The following ROBO2 variants were observed in gnomAD, a reference collection of about 807,000 sequenced individuals.
ROBO2 encodes roundabout guidance receptor 2.
ROBO2 carries 53 observed loss-of-function variants against 160.8 expected under a neutral mutation model. The ratio of observed to expected loss-of-function variants is 0.33; its 90% CI spans 0.26 to 0.41. ROBO2 has a LOEUF of 0.41. Ranked by LOEUF, ROBO2 falls within the 10% of genes least tolerant of loss-of-function variation. The pLI is 1.00. For synonymous variants in ROBO2, 664 were observed against 611.7 expected (o/e 1.09, Z -1.26); for missense variants, 1,577 against 1,722.4 (o/e 0.92, Z 1.49).
At chr3:76,536,670 G>A (rs1181388370) in intron 2 of ROBO2, among the ~76,000 whole-genome samples, 4 of 152,132 alleles carry the variant, frequency 2.6e-5, no homozygotes, top group Admixed American at 6.5e-5. Context: ...TCTGGCTCAT[G>A]ACGCTGGCAG....
chr3:77,398,399 AAAC>A (rs753531965), intron 2 of ROBO2, among the ~76,000 whole-genome samples: 63,913 of 151,774 alleles, frequency 0.42, 14,522 homozygotes, highest in African/African-American at 0.59. Context: ...TTTGTTCTTG[AAAC>A]AATCAGAGAG....
chr3:75,934,373 C>T (rs74733201), intron 1 of ROBO2, among the ~76,000 whole-genome samples: 5 of 152,146 alleles, frequency 3.3e-5, no homozygotes, highest in South Asian at 2.1e-4. Flanking sequence ...CTCATATGCA[C>T]GAAAAGGGTG....
intron 2 of ROBO2, among the ~76,000 whole-genome samples, chr3:76,799,243 A>C (rs1056655304): frequency 7.2e-5 from 11 of 151,878 alleles, no homozygotes; most frequent in East Asian, 1.9e-4. Context: ...CAAAAAAAAA[A>C]CGTATATAAC....
intron 2 of ROBO2, among the ~76,000 whole-genome samples, chr3:76,053,255 G>C (rs1468236089): frequency 6.6e-6 from 1 of 151,998 alleles, no homozygotes. Context: ...TGTTGACTTA[G>C]TTCTTTAAAT....
At chr3:77,581,352 T>C (rs1256159221) in intron 16 of ROBO2, among the ~76,000 whole-genome samples, 7 of 152,158 alleles carry the variant, frequency 4.6e-5, no homozygotes, top group Non-Finnish European at 1.5e-5. Context: ...TTTTCTTTGA[T>C]ATTTAGTGCT....
intron 2 of ROBO2, among the ~76,000 whole-genome samples, chr3:76,543,171 C>T (rs760343596): frequency 6.6e-6 from 1 of 152,142 alleles, no homozygotes; most frequent in African/African-American, 2.4e-5. Flanking sequence ...ATTTTTAACT[C>T]TGGACTAGAT....
chr3:77,361,319 C>G (rs143344451), intron 2 of ROBO2, among the ~76,000 whole-genome samples: 64 of 152,190 alleles, frequency 4.2e-4, no homozygotes, highest in African/African-American at 1.5e-3. Flanking sequence ...TGTTATTCAT[C>G]TGAAATCCAA....
intron 2 of ROBO2, among the ~76,000 whole-genome samples, chr3:76,834,140 T>G (rs1276504483): frequency 2.2e-5 from 3 of 139,248 alleles, no homozygotes; most frequent in African/African-American, 8.0e-5. Context: ...CCTTCTTTCC[T>G]TCCTTCCTTT....
At chr3:77,149,619 C>T (rs2077390965) in intron 2 of ROBO2, among the ~76,000 whole-genome samples, 1 of 152,188 alleles carries the variant, frequency 6.6e-6, no homozygotes, top group African/African-American at 2.4e-5. Context: ...ACACACATCA[C>T]TCTCATCCAA....
intron 1 of ROBO2, among the ~76,000 whole-genome samples, chr3:77,041,991 A>G (rs1413109629): frequency 1.3e-5 from 2 of 152,210 alleles, no homozygotes; most frequent in Admixed American, 6.5e-5. Flanking sequence ...GGCCCATCTG[A>G]GTAGCTAACT....
intron 2 of ROBO2, among the ~76,000 whole-genome samples, chr3:76,350,893 C>T (rs2074830932): frequency 6.6e-6 from 1 of 151,796 alleles, no homozygotes; most frequent in African/African-American, 2.4e-5. Flanking sequence ...CATTCCTAGT[C>T]TGCTCATAAA....
At chr3:76,158,638 C>T (rs1415416103) in intron 2 of ROBO2, among the ~76,000 whole-genome samples, 1 of 152,006 alleles carries the variant, frequency 6.6e-6, no homozygotes, top group South Asian at 2.1e-4. Flanking sequence ...TGAGAGTTTG[C>T]TGCCAAATGA....
At chr3:76,571,081 G>A (rs137986914) in intron 2 of ROBO2, among the ~76,000 whole-genome samples, 144 of 152,226 alleles carry the variant, frequency 9.5e-4, no homozygotes, top group African/African-American at 3.4e-3. Context: ...ATGAAATTAT[G>A]TAAGGTCTTT....
rs142411671 is a variant in ROBO2, at chr3:76,022,662, C to A, written c.109+85060C>A. Reference sequence around the variant, plus strand: ...GTCTCAAGAGCGGGATAAAAATATCCAGTAGACCATACTGTTAACAGATAT... The same window carrying A: ...GTCTCAAGAGCGGGATAAAAATATCAAGTAGACCATACTGTTAACAGATAT... On this transcript the variant is annotated intron_variant, in intron 2 of 26. Coordinates refer to the ROBO2 transcript ENST00000487694. Among the ~76,000 whole-genome samples, 243 of 151,706 alleles carry A rather than the reference C, an allele frequency of 1.6e-3. 1 individual carries two copies. Among genetic ancestry groups the A allele is most frequent in the African/African-American group, 5.6e-3 (231 of 41,478 alleles).
intron 2 of ROBO2, among the ~76,000 whole-genome samples, chr3:76,735,768 AAAAAAAAG>A (rs1325221890): frequency 0.028 from 1,659 of 59,390 alleles, 126 homozygotes; most frequent in African/African-American, 0.097. Context: ...TCAAAAAAAA[AAAAAAAAG>A]AAAAAAAAAA....
At chr3:77,219,434 GTA>G (rs369099644) in intron 2 of ROBO2, among the ~76,000 whole-genome samples, 4,708 of 115,174 alleles carry the variant, frequency 0.041, 236 homozygotes, top group African/African-American at 0.1. Flanking sequence ...GTATGTGTGT[GTA>G]TATATATATA....
chr3:76,413,766 T>C (rs891475179), intron 2 of ROBO2, among the ~76,000 whole-genome samples: 3 of 152,168 alleles, frequency 2.0e-5, no homozygotes, highest in Non-Finnish European at 4.4e-5. Flanking sequence ...TTTCCTGTCT[T>C]CTTCTGAGCC....
At chr3:77,591,021 T>C (rs1311978700) in intron 17 of ROBO2, among the ~76,000 whole-genome samples, 1 of 152,100 alleles carries the variant, frequency 6.6e-6, no homozygotes, top group East Asian at 1.9e-4. Flanking sequence ...ACTTAACTGA[T>C]AGATGGCTCA....
intron 2 of ROBO2, among the ~76,000 whole-genome samples, chr3:76,191,861 T>G (rs947065122): frequency 6.6e-6 from 1 of 152,078 alleles, no homozygotes; most frequent in African/African-American, 2.4e-5. Flanking sequence ...TCTAATGAAC[T>G]AGATGTGATA....
Sources: allele counts gnomAD v4.1 joint callset (sites outside exome capture counted in the v4.1 genomes callset), GRCh38; gene constraint gnomAD v4.1.1; transcripts MANE v1.5; gene names NCBI Gene and HGNC (gene_info 2026-07-23, HGNC 2026-07-21).